The following ATL2 variants were observed in gnomAD, a reference collection of about 807,000 sequenced individuals.
ATL2 encodes atlastin GTPase 2, also known as atlastin-2.
Under a neutral mutation model 73.9 loss-of-function variants are expected in ATL2, and 31 were observed. The ratio of observed to expected loss-of-function variants is 0.42; its 90% CI spans 0.32 to 0.57. The LOEUF is 0.57. Among genes scored for constraint, ATL2 ranks in the 20% least tolerant of loss-of-function variants. The pLI, the probability that ATL2 is intolerant of heterozygous loss-of-function variation, is 0.14. For missense variants in ATL2, 738 were observed against 702.6 expected, an observed-to-expected ratio of 1.05 and a Z score of -0.57; for synonymous variants, 291 against 237.5, an observed-to-expected ratio of 1.23 and a Z score of -2.07.
At chr2:38,369,306 T>C (rs903169820) in intron 1 of ATL2, among the ~76,000 whole-genome samples, 3 of 151,702 alleles carry the variant, frequency 2.0e-5, no homozygotes, top group African/African-American at 7.3e-5. Flanking sequence ...CAAAATTAGC[T>C]GGGCGTGGTG....
At chr2:38,374,181 C>T (rs1671839740) in intron 1 of ATL2, among the ~76,000 whole-genome samples, 1 of 152,268 alleles carries the variant, frequency 6.6e-6, no homozygotes, top group Non-Finnish European at 1.5e-5. Context: ...CGTGAGCCAC[C>T]GCACTCAGCC....
chr2:38,335,103 A>T (rs1446885927), intron 2 of ATL2, among the ~76,000 whole-genome samples: 1 of 151,396 alleles, frequency 6.6e-6, no homozygotes, highest in African/African-American at 2.4e-5. Context: ...AATACAGTTC[A>T]CAAGATATAC....
upstream of ATL2, chr2:38,377,360 C>A: frequency 9.9e-7 from 1 of 1,010,090 alleles, no homozygotes; most frequent in Non-Finnish European, 1.4e-6. Context: ...GTCCTAGCGC[C>A]GCTCTCCGCC....
At chr2:38,345,403 C>T (rs886827619) in intron 1 of ATL2, among the ~76,000 whole-genome samples, 2 of 152,282 alleles carry the variant, frequency 1.3e-5, no homozygotes, top group South Asian at 2.1e-4. Flanking sequence ...AAGCATCTCA[C>T]TTATCTGATT....
intron 12 of ATL2, chr2:38,296,839 T>C: frequency 7.6e-7 from 1 of 1,316,940 alleles, no homozygotes; most frequent in Admixed American, 2.7e-5. Flanking sequence ...CATTTAATTG[T>C]TTTGTAATAA....
chr2:38,377,863 C>T (rs560886811), upstream of ATL2, among the ~76,000 whole-genome samples: 1 of 152,068 alleles, frequency 6.6e-6, no homozygotes, highest in African/African-American at 2.4e-5. Flanking sequence ...TCCCCTCCCC[C>T]CCACCATCCT....
At chr2:38,342,631 T>C (rs1376086755) in intron 2 of ATL2, among the ~76,000 whole-genome samples, 4 of 152,196 alleles carry the variant, frequency 2.6e-5, no homozygotes, top group South Asian at 2.1e-4. Context: ...AACACAGATA[T>C]ACTTTTTCAA....
At chr2:38,323,288 A>G (rs1194412556) in intron 2 of ATL2, among the ~76,000 whole-genome samples, 1 of 152,082 alleles carries the variant, frequency 6.6e-6, no homozygotes, top group Non-Finnish European at 1.5e-5. Context: ...AGTAAATAGG[A>G]AAAAAAGAAG....
At chr2:38,342,290 G>C (rs1363670814) in intron 2 of ATL2, among the ~76,000 whole-genome samples, 1 of 151,746 alleles carries the variant, frequency 6.6e-6, no homozygotes, top group Admixed American at 6.6e-5. Context: ...AATCAACAGA[G>C]GGCCCACCCA....
At chr2:38,313,736 G>C (rs925010007) in intron 6 of ATL2, among the ~76,000 whole-genome samples, 2 of 152,116 alleles carry the variant, frequency 1.3e-5, no homozygotes, top group African/African-American at 4.8e-5. Flanking sequence ...TTAATTCTTA[G>C]TTGTGTGTGG....
intron 1 of ATL2, among the ~76,000 whole-genome samples, chr2:38,349,483 C>T (rs1262411332): frequency 3.9e-5 from 5 of 126,882 alleles, no homozygotes; most frequent in South Asian, 4.9e-4. Context: ...TGAGAACACA[C>T]GGACACAGGA....
At chr2:38,324,430 T>C (rs1205963516) in intron 2 of ATL2, among the ~76,000 whole-genome samples, 2 of 152,240 alleles carry the variant, frequency 1.3e-5, no homozygotes, top group Non-Finnish European at 2.9e-5. Flanking sequence ...CCCAAAGTGA[T>C]GGACACAATA....
In ATL2 at chr2:38,296,069, C is replaced by T; in HGVS notation, c.1677G>A (p.Arg559=). Residue 559 remains arginine, a synonymous_variant, in exon 13 of 13, where the codon AGG becomes AGA. Transcript: ENST00000378954. ...LGDNLMEENI[R]QSVTNSIKAG... ...CTTTGATAGAGTTTGTTACAGACTG[C>T]CTTATGTTTTCCTCCATCAAATTAT... The T allele has an allele frequency of 6.4e-7, 1 of 1,551,542 alleles. No individual in the cohort carries two copies. The highest frequency in any genetic ancestry group is 8.7e-7 in the Non-Finnish European group (1 of 1,146,830).
intron 2 of ATL2, among the ~76,000 whole-genome samples, chr2:38,332,708 T>A (rs1669070570): frequency 6.6e-6 from 1 of 152,168 alleles, no homozygotes; most frequent in Non-Finnish European, 1.5e-5. Flanking sequence ...AAAACCCACT[T>A]GTATAACACT....
chr2:38,341,534 A>G (rs562200202), intron 2 of ATL2, among the ~76,000 whole-genome samples: 47 of 152,234 alleles, frequency 3.1e-4, no homozygotes, highest in African/African-American at 1.1e-3. Flanking sequence ...GCTACTTGGG[A>G]GGCTGAGGTG....
intron 7 of ATL2, among the ~76,000 whole-genome samples, chr2:38,311,815 A>G (rs1024966058): frequency 1.1e-4 from 16 of 152,210 alleles, no homozygotes; most frequent in Non-Finnish European, 1.6e-4. Flanking sequence ...ACATTTCAAT[A>G]AAAAGTTTAA....
chr2:38,299,183 T>G, intron 11 of ATL2, 73 bp downstream of exon 11: 2 of 1,361,424 alleles, frequency 1.5e-6, no homozygotes, highest in South Asian at 3.5e-5. Flanking sequence ...ATTTAAAAAA[T>G]TTTTTTAATT....
chr2:38,367,329 C>A (rs572942370), intron 1 of ATL2, among the ~76,000 whole-genome samples: 2 of 151,630 alleles, frequency 1.3e-5, no homozygotes, highest in African/African-American at 4.8e-5. Context: ...TAAGGCCGGG[C>A]GCGGTGGCTC....
At chr2:38,353,499 C>T (rs1012064554) in intron 1 of ATL2, among the ~76,000 whole-genome samples, 1 of 152,048 alleles carries the variant, frequency 6.6e-6, no homozygotes, top group Admixed American at 6.6e-5. Flanking sequence ...AGAAGGAGAA[C>T]AAAGTGAGGC....
Sources: allele counts gnomAD v4.1 joint callset (sites outside exome capture counted in the v4.1 genomes callset), GRCh38; gene constraint gnomAD v4.1.1; transcripts MANE v1.5; gene names NCBI Gene and HGNC (gene_info 2026-07-23, HGNC 2026-07-21).